The following ROBO1 variants were observed in gnomAD, a reference collection of about 807,000 sequenced individuals.
ROBO1 encodes the protein roundabout guidance receptor 1.
Under a neutral mutation model 195.9 loss-of-function variants are expected in ROBO1, and 149 were observed. The observed-to-expected ratio is 0.76, with a 90% CI of 0.67 to 0.87. The LOEUF is 0.87. ROBO1 is among the 40% of genes least tolerant of loss of function. The pLI, the probability that ROBO1 is intolerant of heterozygous loss-of-function variation, is 0.00. For missense variants in ROBO1, 1,933 were observed against 2,068.3 expected, an observed-to-expected ratio of 0.93 and a Z score of 1.27; for synonymous variants, 816 against 733.2, an observed-to-expected ratio of 1.11 and a Z score of -1.82.
intron 2 of ROBO1, among the ~76,000 whole-genome samples, chr3:79,229,501 C>T (rs1265536348): frequency 6.6e-6 from 1 of 152,042 alleles, no homozygotes; most frequent in Non-Finnish European, 1.5e-5. Flanking sequence ...GGATAGAGTG[C>T]AGTGGTGTGA....
intron 2 of ROBO1, among the ~76,000 whole-genome samples, chr3:79,147,687 G>T (rs1306701656): frequency 6.6e-6 from 1 of 151,972 alleles, no homozygotes; most frequent in African/African-American, 2.4e-5. Flanking sequence ...ATTATACACA[G>T]TGGGTGAGAT....
At chr3:79,362,907 G>A (rs143225156) in intron 2 of ROBO1, among the ~76,000 whole-genome samples, 2 of 152,214 alleles carry the variant, frequency 1.3e-5, no homozygotes, top group African/African-American at 2.4e-5. Context: ...AAAACCCATC[G>A]CATCAGACCC....
chr3:79,215,518 G>T (rs1233458595), intron 2 of ROBO1, among the ~76,000 whole-genome samples: 1 of 152,122 alleles, frequency 6.6e-6, no homozygotes, highest in Admixed American at 6.6e-5. Context: ...ACACTAAGTT[G>T]CCTAAATTAA....
chr3:79,579,049 AT>A (rs1943579844), intron 2 of ROBO1, among the ~76,000 whole-genome samples: 1 of 152,164 alleles, frequency 6.6e-6, no homozygotes. Context: ...CTTAAAAAAC[AT>A]TTTGACTCTG....
rs141985159 is a variant in ROBO1 at position 79,064,214 on chromosome 3, G to T, written c.172+61242C>A. 5.7e-3 allele frequency among the ~76,000 whole-genome samples: 866 copies of T among 151,908 alleles called. 2 individuals carry two copies. The highest frequency in any genetic ancestry group is 0.01 in the Non-Finnish European group (679 of 67,898). ...ACACTGTACCCTATAAATATATACAGTTATTATATGCCAATTGTACATTTA... is the reference window on the plus strand; with the variant it reads ...ACACTGTACCCTATAAATATATACATTTATTATATGCCAATTGTACATTTA... On this transcript the variant is annotated intron_variant, in intron 3 of 30. Coordinates refer to ENST00000464233, the MANE Select transcript of ROBO1 (RefSeq NM_002941.4).
chr3:79,610,998 T>C (rs1944640562), intron 1 of ROBO1, among the ~76,000 whole-genome samples: 1 of 152,078 alleles, frequency 6.6e-6, no homozygotes, highest in African/African-American at 2.4e-5. Context: ...TATTATAATC[T>C]CTTTAGCACT....
At chr3:79,294,463 G>C (rs144540512) in intron 2 of ROBO1, among the ~76,000 whole-genome samples, 1 of 152,132 alleles carries the variant, frequency 6.6e-6, no homozygotes, top group African/African-American at 2.4e-5. Context: ...ATGGATTAAA[G>C]ACTTAAACGT....
intron 4 of ROBO1, among the ~76,000 whole-genome samples, chr3:78,840,420 T>C (rs1331191222): frequency 6.6e-6 from 1 of 152,200 alleles, no homozygotes; most frequent in Non-Finnish European, 1.5e-5. Context: ...TAAAATTTAC[T>C]GAGCCCTCAA....
chr3:78,819,384 G>A (rs1385597497), intron 4 of ROBO1, among the ~76,000 whole-genome samples: 1 of 148,262 alleles, frequency 6.7e-6, no homozygotes, highest in Non-Finnish European at 1.5e-5. Flanking sequence ...CACATGTAGG[G>A]CTTTATCTGA....
chr3:79,070,895 A>C (rs1385980004), intron 3 of ROBO1, among the ~76,000 whole-genome samples: 1 of 151,596 alleles, frequency 6.6e-6, no homozygotes, highest in Non-Finnish European at 1.5e-5. Flanking sequence ...AATTCTTTTT[A>C]TACTGACTTT....
At position 79,070,516 on chromosome 3, in the gene ROBO1, G is replaced by A. The variant is rs919874929; in HGVS notation, c.172+54940C>T. ...AGCATGTTGAAGATATTATTCCAAC[G>A]TTTTCTGATATGTATTCTTGCTAAT... On this transcript the variant is annotated intron_variant, in intron 3 of 30. Coordinates refer to ENST00000464233, the MANE Select transcript of ROBO1 (RefSeq NM_002941.4). Among the ~76,000 whole-genome samples the A allele has an allele frequency of 2.6e-5, 4 of 151,704 alleles. No homozygotes were observed. In the East Asian group the frequency reaches 5.8e-4, roughly 22 times the overall value.
intron 1 of ROBO1, among the ~76,000 whole-genome samples, chr3:79,761,064 C>T (rs1193466527): frequency 6.8e-6 from 1 of 147,666 alleles, no homozygotes; most frequent in Non-Finnish European, 1.5e-5. Flanking sequence ...AATATATATG[C>T]ACTATATTAT....
rs201282410 is a variant in ROBO1 at position 79,136,832 on chromosome 3, AG to A, written c.89-11294del. On this transcript the variant is annotated intron_variant, in intron 2 of 30. Coordinates refer to ENST00000464233, the MANE Select transcript of ROBO1 (RefSeq NM_002941.4). Reference sequence around the variant, plus strand: ...TATAAGTTATGTTATAGAGATTGAGAGGAAAAAAAATCAGTAGGTGCTTTTA... The same window carrying A: ...TATAAGTTATGTTATAGAGATTGAGAGAAAAAAAATCAGTAGGTGCTTTTA... 4.8e-3 allele frequency among the ~76,000 whole-genome samples: 730 copies of A among 152,176 alleles called. 3 individuals carry two copies. Among genetic ancestry groups the A allele is most frequent in the Admixed American group, 7.5e-3 (114 of 15,284 alleles).
At chr3:78,937,606 T>C (rs1451565331) in intron 4 of ROBO1, among the ~76,000 whole-genome samples, 2 of 152,184 alleles carry the variant, frequency 1.3e-5, no homozygotes, top group African/African-American at 2.4e-5. Flanking sequence ...GCCCAATTCT[T>C]ATTCAACTGC....
intron 2 of ROBO1, among the ~76,000 whole-genome samples, chr3:79,271,895 T>G (rs2030594503): frequency 6.6e-6 from 1 of 152,050 alleles, no homozygotes; most frequent in Non-Finnish European, 1.5e-5. Context: ...ATTTATTTTC[T>G]AAATTATTTT....
chr3:79,123,539 A>G (rs2080160356), intron 3 of ROBO1, among the ~76,000 whole-genome samples: 1 of 152,008 alleles, frequency 6.6e-6, no homozygotes, highest in Admixed American at 6.6e-5. Flanking sequence ...CAAACAAAAG[A>G]GACAAATAAC....
chr3:79,710,636 G>A (rs1298023052), intron 1 of ROBO1, among the ~76,000 whole-genome samples: 1 of 152,104 alleles, frequency 6.6e-6, no homozygotes, highest in Non-Finnish European at 1.5e-5. Flanking sequence ...AAGGCAATTG[G>A]TAAGTATGTA....
intron 3 of ROBO1, among the ~76,000 whole-genome samples, chr3:79,034,604 G>A (rs1246453548): frequency 6.6e-6 from 1 of 151,898 alleles, no homozygotes; most frequent in Admixed American, 6.6e-5. Flanking sequence ...AACTAGAAGA[G>A]GTCTAAATTT....
intron 1 of ROBO1, among the ~76,000 whole-genome samples, chr3:79,636,563 C>T (rs1945502493): frequency 6.6e-6 from 1 of 152,086 alleles, no homozygotes; most frequent in Admixed American, 6.6e-5. Context: ...CGATGACAAC[C>T]CCTCACCATT....
Sources: gnomAD v4.1 joint callset for allele counts (sites outside exome capture counted in the v4.1 genomes callset) on GRCh38, gnomAD v4.1.1 for gene constraint, MANE v1.5 for transcripts, NCBI Gene and HGNC (gene_info 2026-07-23, HGNC 2026-07-21) for gene names.